ZNF385B: variants seen among roughly 807,000 people sequenced by gnomAD.
ZNF385B encodes the protein zinc finger protein 385B, also known as zinc finger protein 533.
A neutral mutation model predicts 39.2 loss-of-function variants in ZNF385B; 23 were observed. That is an observed-to-expected ratio of 0.59 (90% CI 0.42 to 0.83). ZNF385B has a LOEUF of 0.83. ZNF385B is among the 40% of genes least tolerant of loss of function. ZNF385B has a pLI of 0.00. For missense variants in ZNF385B, 552 were observed against 598.9 expected, an observed-to-expected ratio of 0.92 and a Z score of 0.82; for synonymous variants, 205 against 222.6, an observed-to-expected ratio of 0.92 and a Z score of 0.70.
At chr2:179,590,435 AT>A (rs1687460157) in intron 3 of ZNF385B, among the ~76,000 whole-genome samples, 1 of 152,078 alleles carries the variant, frequency 6.6e-6, no homozygotes, top group African/African-American at 2.4e-5. Flanking sequence ...TGTTACCATT[AT>A]TTTACCATCC....
chr2:179,662,485 C>T (rs1227452217), intron 3 of ZNF385B, among the ~76,000 whole-genome samples: 3 of 151,588 alleles, frequency 2.0e-5, no homozygotes, highest in African/African-American at 7.3e-5. Context: ...CAAACTAATA[C>T]AGCATCTTTA....
At chr2:179,848,827 C>T (rs2106625693) in intron 1 of ZNF385B, among the ~76,000 whole-genome samples, 1 of 152,084 alleles carries the variant, frequency 6.6e-6, no homozygotes, top group East Asian at 1.9e-4. Flanking sequence ...CAAACCCATG[C>T]CAAGGAAGCT....
At position 179,515,272 on chromosome 2, in the gene ZNF385B, T is replaced by C. The variant is rs115666900; in HGVS notation, c.552+3256A>G. The stretch of plus-strand genomic sequence containing the variant: ...ACTCTTCTAATAGGCAAATCCTTAT[T>C]TGTGAGTGGCTTTAAACCAAGCAGT... On this transcript the variant is annotated intron_variant, in intron 5 of 9. Transcript: ENST00000410066. 6.1e-3 allele frequency among the ~76,000 whole-genome samples: 936 copies of C among 152,336 alleles called. 10 individuals are homozygous for C. Among genetic ancestry groups the C allele is most frequent in the African/African-American group, 0.021 (883 of 41,578 alleles).
At chr2:179,589,049 T>G (rs1383031069) in intron 3 of ZNF385B, among the ~76,000 whole-genome samples, 1 of 152,182 alleles carries the variant, frequency 6.6e-6, no homozygotes, top group Non-Finnish European at 1.5e-5. Flanking sequence ...ATTTCTATTA[T>G]CTGAAACTGT....
intron 1 of ZNF385B, among the ~76,000 whole-genome samples, chr2:179,773,278 A>C (rs1025031138): frequency 2.6e-5 from 4 of 152,358 alleles, no homozygotes; most frequent in Non-Finnish European, 5.9e-5. Flanking sequence ...ATGGAGAACA[A>C]GAAACTGCCT....
At chr2:179,687,758 A>G (rs1339966509) in intron 3 of ZNF385B, among the ~76,000 whole-genome samples, 1 of 152,230 alleles carries the variant, frequency 6.6e-6, no homozygotes, top group East Asian at 1.9e-4. Flanking sequence ...ATACCTTAGT[A>G]TCTTCATGCA....
intron 3 of ZNF385B, among the ~76,000 whole-genome samples, chr2:179,601,904 A>C (rs1333158076): frequency 6.6e-6 from 1 of 152,168 alleles, no homozygotes; most frequent in African/African-American, 2.4e-5. Flanking sequence ...ATGATCTGCT[A>C]TGCTTTTCAC....
At chr2:179,588,865 T>C (rs1324443229) in intron 3 of ZNF385B, among the ~76,000 whole-genome samples, 3 of 152,168 alleles carry the variant, frequency 2.0e-5, no homozygotes, top group African/African-American at 7.2e-5. Flanking sequence ...TTAGCGGCTA[T>C]ACACAGAAGG....
chr2:179,606,007 A>G (rs1057421754), intron 3 of ZNF385B, among the ~76,000 whole-genome samples: 1 of 152,204 alleles, frequency 6.6e-6, no homozygotes, highest in Non-Finnish European at 1.5e-5. Context: ...TTTGGAAGAT[A>G]AGGATCCATT....
chr2:179,696,622 G>A (rs1698784211), intron 3 of ZNF385B, among the ~76,000 whole-genome samples: 1 of 151,990 alleles, frequency 6.6e-6, no homozygotes, highest in African/African-American at 2.4e-5. Context: ...ATACACCTAT[G>A]AGCAGCACTG....
intron 3 of ZNF385B, among the ~76,000 whole-genome samples, chr2:179,694,983 G>C (rs1055425633): frequency 6.6e-6 from 1 of 151,608 alleles, no homozygotes; most frequent in Non-Finnish European, 1.5e-5. Context: ...AGGAGGAGGA[G>C]GAGGAGAAGA....
chr2:179,600,067 C>G (rs1688294409), intron 3 of ZNF385B, among the ~76,000 whole-genome samples: 1 of 152,142 alleles, frequency 6.6e-6, no homozygotes, highest in African/African-American at 2.4e-5. Context: ...TGTGATCTCT[C>G]ATTTGTTTAT....
intron 1 of ZNF385B, among the ~76,000 whole-genome samples, chr2:179,826,600 A>T (rs925026145): frequency 5.9e-5 from 9 of 152,172 alleles, no homozygotes; most frequent in African/African-American, 2.2e-4. Context: ...GTCAGCAGCA[A>T]GATATTTCTC....
intron 1 of ZNF385B, among the ~76,000 whole-genome samples, chr2:179,853,158 T>A (rs1357391946): frequency 6.6e-6 from 1 of 152,192 alleles, no homozygotes; most frequent in Non-Finnish European, 1.5e-5. Context: ...CAAATTTAGA[T>A]GTGAAAACCA....
chr2:179,633,647 C>G (rs960686507), intron 3 of ZNF385B, among the ~76,000 whole-genome samples: 8 of 152,168 alleles, frequency 5.3e-5, no homozygotes, highest in Non-Finnish European at 7.4e-5. Flanking sequence ...TGGCATAAGA[C>G]AAGGATGCCC....
At chr2:179,706,978 G>T (rs966741607) in intron 3 of ZNF385B, among the ~76,000 whole-genome samples, 2 of 152,116 alleles carry the variant, frequency 1.3e-5, no homozygotes, top group African/African-American at 4.8e-5. Flanking sequence ...AAATCATCCT[G>T]GGACCCCAAG....
chr2:179,566,724 G>C (rs3112929), intron 3 of ZNF385B, among the ~76,000 whole-genome samples: 147,738 of 152,228 alleles, frequency 0.97, 71,725 homozygotes, highest in East Asian at 1. Flanking sequence ...TTATAGTTTT[G>C]ATGTCTTCAC....
At chr2:179,803,825 A>C (rs1282754729) in intron 1 of ZNF385B, among the ~76,000 whole-genome samples, 1 of 152,144 alleles carries the variant, frequency 6.6e-6, no homozygotes, top group Admixed American at 6.5e-5. Flanking sequence ...TAAATATCCA[A>C]CTTAGTTGGG....
chr2:179,815,741 T>C (rs1157992044), intron 1 of ZNF385B, among the ~76,000 whole-genome samples: 1 of 152,186 alleles, frequency 6.6e-6, no homozygotes, highest in Non-Finnish European at 1.5e-5. Context: ...CCTCATGTTA[T>C]TTGACATTTG....
Sources: gnomAD v4.1 joint callset for allele counts (sites outside exome capture counted in the v4.1 genomes callset) on GRCh38, gnomAD v4.1.1 for gene constraint, MANE v1.5 for transcripts, NCBI Gene and HGNC (gene_info 2026-07-23, HGNC 2026-07-21) for gene names.